MROH1: variants seen among roughly 807,000 people sequenced by gnomAD.
MROH1 encodes maestro heat like repeat family member 1, also known as maestro heat-like repeat-containing protein family member 1.
Under a neutral mutation model 116.5 loss-of-function variants are expected in MROH1, and 117 were observed. The observed-to-expected ratio is 1.00, with a 90% CI of 0.86 to 1.17. The LOEUF (loss-of-function observed/expected upper bound fraction) is 1.17, where lower values mean the gene tolerates loss of function less well. Among genes scored for constraint, MROH1 ranks in the 50% most tolerant of loss-of-function variants. The pLI is 0.00. For missense variants in MROH1, 1,873 were observed against 1,338.5 expected, an observed-to-expected ratio of 1.40 and a Z score of -6.23; for synonymous variants, 921 against 583.9, an observed-to-expected ratio of 1.58 and a Z score of -8.32.
chr8:144,225,910 GTTTTTTTTT>G (rs764956904), intron 14 of MROH1, among the ~76,000 whole-genome samples: 2 of 87,554 alleles, frequency 2.3e-5, no homozygotes, highest in Non-Finnish European at 4.2e-5. Context: ...TTCATTTTTA[GTTTTTTTTT>G]TTTTTTTTTT....
intron 7 of MROH1, among the ~76,000 whole-genome samples, chr8:144,187,142 G>A (rs933250348): frequency 6.6e-6 from 1 of 152,022 alleles, no homozygotes; most frequent in African/African-American, 2.4e-5. Flanking sequence ...CGGGCATGGT[G>A]GCCTACGCCT....
chr8:144,171,631 G>A (rs1227620521), intron 4 of MROH1, among the ~76,000 whole-genome samples: 1 of 152,256 alleles, frequency 6.6e-6, no homozygotes, highest in Non-Finnish European at 1.5e-5. Flanking sequence ...GGAAGCTGCT[G>A]TCACCAGCCT....
intron 7 of MROH1, among the ~76,000 whole-genome samples, chr8:144,183,939 G>A (rs1372962636): frequency 1.3e-5 from 2 of 152,080 alleles, no homozygotes; most frequent in Non-Finnish European, 2.9e-5. Flanking sequence ...GGACCACCGC[G>A]CCTGGCCAGA....
At chr8:144,211,741 GAAAA>G (rs1482479063) in intron 12 of MROH1, among the ~76,000 whole-genome samples, 6 of 150,826 alleles carry the variant, frequency 4.0e-5, no homozygotes, top group South Asian at 2.1e-4. Context: ...AAAAAAAAAA[GAAAA>G]AGAAAGGTAG....
At chr8:144,158,906 T>A (rs539156612) in intron 1 of MROH1, among the ~76,000 whole-genome samples, 11 of 152,254 alleles carry the variant, frequency 7.2e-5, no homozygotes, top group African/African-American at 2.4e-4. Flanking sequence ...GCCCAGCTAG[T>A]TTTTGTATTT....
Position 144,261,821 on chromosome 8 carries a change from A to ACGACTG in MROH1, c.*81_*82insCGACTG. 1 of 700,578 alleles carries ACGACTG rather than the reference A, an allele frequency of 1.4e-6. No homozygotes were observed. Among genetic ancestry groups the ACGACTG allele is most frequent in the Non-Finnish European group, 2.6e-6 (1 of 384,634 alleles). The allele number at this position is 700,578 out of a possible 1,614,324, so 43.4% of individuals were successfully genotyped here. A position where few individuals can be genotyped will look rare whatever the true frequency, so the allele number is the denominator to read the frequency against. On this transcript the variant is annotated 3_prime_UTR_variant, in exon 44 of 44. Coordinates refer to ENST00000326134, the MANE Select transcript of MROH1 (RefSeq NM_032450.3). ...CAAGACAGGGCCTCCTGAGGACCAC[A>ACGACTG]GCCTGGGCACACGACTGGAGGGGCC...
In MROH1 at chr8:144,180,597, A is replaced by AG. The variant is rs1381862072; in HGVS notation, c.562+80dup. ...GGCTGTTCCCGGGCATGCCTGTTTT[A>AG]GGGGGGACAGGTGGGCACTTTAGGC... On this transcript the variant is annotated intron_variant, in intron 7 of 43. Coordinates refer to ENST00000326134, the MANE Select transcript of MROH1 (RefSeq NM_032450.3). The surrounding 1 kb of genome is among the most constrained non-coding windows in gnomAD (Gnocchi z 7.4). 2 of 1,332,716 alleles carry AG rather than the reference A, an allele frequency of 1.5e-6. No homozygotes were observed. Among genetic ancestry groups the AG allele is most frequent in the Non-Finnish European group, 2.1e-6 (2 of 966,720 alleles). The allele number at this position is 1,332,716 out of a possible 1,614,324, so 82.6% of individuals were successfully genotyped here.
intron 1 of MROH1, among the ~76,000 whole-genome samples, chr8:144,160,656 AG>A (rs1231222769): frequency 6.7e-6 from 1 of 150,086 alleles, no homozygotes; most frequent in Admixed American, 6.6e-5. Flanking sequence ...GCTAGAACCC[AG>A]GCACCAGACA....
At chr8:144,183,090 A>G (rs1826078172) in intron 7 of MROH1, among the ~76,000 whole-genome samples, 1 of 152,022 alleles carries the variant, frequency 6.6e-6, no homozygotes, top group Non-Finnish European at 1.5e-5. Flanking sequence ...CAAACAAATC[A>G]AAACTAGCTG....
chr8:144,197,477 C>T (rs1340905778), intron 10 of MROH1, among the ~76,000 whole-genome samples: 7 of 111,678 alleles, frequency 6.3e-5, no homozygotes, highest in Non-Finnish European at 1.2e-4. Context: ...GCTCTGTCAC[C>T]CAGGCTGGAG....
intron 1 of MROH1, among the ~76,000 whole-genome samples, chr8:144,157,362 G>A (rs1257261686): frequency 1.3e-5 from 2 of 152,044 alleles, no homozygotes; most frequent in Admixed American, 6.5e-5. Flanking sequence ...GATTACAGGC[G>A]TGAGTCTGTA....
intron 23 of MROH1, 43 bp from the exon 24 acceptor site, chr8:144,242,559 C>T (rs1441080545): frequency 1.3e-6 from 1 of 780,258 alleles, no homozygotes; most frequent in Non-Finnish European, 2.4e-6. Context: ...GCTGGGGCTG[C>T]CGGGGAGTCA....
chr8:144,192,103 G>C (rs1357297777), intron 9 of MROH1, among the ~76,000 whole-genome samples: 2 of 152,190 alleles, frequency 1.3e-5, no homozygotes, highest in African/African-American at 4.8e-5. Context: ...GGCTTAGGGA[G>C]CCCCCTTCCT....
chr8:144,196,142 T>A (rs1264766127), intron 10 of MROH1, among the ~76,000 whole-genome samples: 1 of 151,378 alleles, frequency 6.6e-6, no homozygotes, highest in Non-Finnish European at 1.5e-5. Context: ...TACAAAAAAT[T>A]AGCTGGGCGT....
In MROH1 at chr8:144,260,077, C is replaced by T. The variant is rs1380426815; in HGVS notation, c.4191+20C>T. The T allele has an allele frequency of 4.0e-5, 29 of 731,464 alleles. No individual in the cohort carries two copies. Among genetic ancestry groups the T allele is most frequent in the Admixed American group, 3.2e-4 (17 of 53,694 alleles). 45.3% of individuals were successfully genotyped at this position (731,464 alleles called of 1,614,324 possible). On this transcript the variant is annotated intron_variant, in intron 38 of 43. Transcript: ENST00000326134. ...GACAAGGTGGGGTGGCCACCAGCCC[C>T]TCTGGGTCCCAGGCAGCATGGGTGG...
In MROH1 at chr8:144,261,791, A is replaced by T; in HGVS notation, c.*51A>T. On this transcript the variant is annotated 3_prime_UTR_variant, in exon 44 of 44. Transcript: ENST00000326134. ...GAGTATGCACCCAGACCTGTGCCTG[A>T]GCTCCAAGACAGGGCCTCCTGAGGA... 1.4e-6 allele frequency: 1 copy of T among 700,178 alleles called. No homozygotes were observed. The highest frequency in any genetic ancestry group is 1.5e-5 in the South Asian group (1 of 67,516). The allele number at this position is 700,178 out of a possible 1,614,324, so 43.4% of individuals were successfully genotyped here. A position where few individuals can be genotyped will look rare whatever the true frequency, so the allele number is the denominator to read the frequency against.
At position 144,190,919 on chromosome 8, in the gene MROH1, A is replaced by G. The variant is rs1422627399; in HGVS notation, c.698A>G (p.Gln233Arg). The change falls in exon 8 of 44, where the codon CAG (glutamine) becomes CGG (arginine). Residue 233 changes from glutamine to arginine, a missense_variant. Coordinates refer to ENST00000326134, the MANE Select transcript of MROH1 (RefSeq NM_032450.3). ...GATGTTCTCTTCCATCAGTGGCTGC[A>G]GAGTCGAGAAGCCAAGGTATGCCCC... is the stretch of plus-strand genomic sequence containing the variant. ...AYDVLFHQWL[Q>R]SREAKLRLAV... 1 of 1,613,150 alleles carries G rather than the reference A, an allele frequency of 6.2e-7. No individual in the cohort carries two copies. The highest frequency in any genetic ancestry group is 8.5e-7 in the Non-Finnish European group (1 of 1,179,836).
At chr8:144,256,927 A>C (rs894943194) in intron 35 of MROH1, among the ~76,000 whole-genome samples, 131 of 152,210 alleles carry the variant, frequency 8.6e-4, no homozygotes, top group Non-Finnish European at 1.6e-3. Flanking sequence ...CGAGGCCTGG[A>C]GCAGGGTGTG....
At position 144,260,851 on chromosome 8, in the gene MROH1, A is replaced by T; in HGVS notation, c.4536+19A>T. ...GGCCAGCGTGAGTAGCCAGGGGGTG[A>T]GTGGGATGGGGTGGGTGGCCTCAAC... On this transcript the variant is annotated intron_variant, in intron 40 of 43. Transcript: ENST00000326134. 1.3e-6 allele frequency: 1 copy of T among 777,758 alleles called. No individual in the cohort carries two copies. The highest frequency in any genetic ancestry group is 1.3e-5 in the South Asian group (1 of 74,562). The allele number at this position is 777,758 out of a possible 1,614,324, so 48.2% of individuals were successfully genotyped here. A position where few individuals can be genotyped will look rare whatever the true frequency, so the allele number is the denominator to read the frequency against.
Sources: gnomAD v4.1 joint callset for allele counts (sites outside exome capture counted in the v4.1 genomes callset) on GRCh38, gnomAD v4.1.1 for gene constraint, Gnocchi (gnomAD v3.1) non-coding constraint, MANE v1.5 for transcripts, NCBI Gene and HGNC (gene_info 2026-07-23, HGNC 2026-07-21) for gene names.